Variants in PIGK observed in about 807,000 individuals in gnomAD.
The protein encoded by PIGK is GPI-anchor transamidase.
In PIGK, 42 loss-of-function variants were observed where a neutral mutation model predicts 50.6. That is an observed-to-expected ratio of 0.83 (90% confidence interval 0.65 to 1.07). PIGK has a LOEUF of 1.07. Among genes scored for constraint, PIGK ranks in the 50% least tolerant of loss-of-function variants. PIGK has a pLI of 0.00. For missense variants in PIGK, 448 were observed against 488.7 expected (o/e 0.92, Z 0.78); for synonymous variants, 151 against 156.0 (o/e 0.97, Z 0.24).
At chr1:77,128,342 T>G (rs1198535593) in intron 9 of PIGK, among the ~76,000 whole-genome samples, 1 of 152,194 alleles carries the variant, frequency 6.6e-6, no homozygotes, top group Admixed American at 6.5e-5. Flanking sequence ...TACACTAATT[T>G]ATGGCCCAAC....
chr1:77,125,434 A>C (rs1654209539), intron 9 of PIGK, among the ~76,000 whole-genome samples: 1 of 152,178 alleles, frequency 6.6e-6, no homozygotes, highest in Non-Finnish European at 1.5e-5. Context: ...CTGTGGATAT[A>C]TGAGTATTTT....
intron 3 of PIGK, among the ~76,000 whole-genome samples, chr1:77,184,288 T>C (rs1655690627): frequency 6.6e-6 from 1 of 151,994 alleles, no homozygotes; most frequent in Non-Finnish European, 1.5e-5. Context: ...CGAGGTCAAA[T>C]GGACAAAAGA....
At chr1:77,163,982 G>T in intron 5 of PIGK, 40 bp from the exon 6 acceptor site, 1 of 1,094,638 alleles carries the variant, frequency 9.1e-7, no homozygotes, top group Non-Finnish European at 1.4e-6. Context: ...ATTTTTTAAT[G>T]CAAACTGCAT....
In PIGK at chr1:77,115,847, T is replaced by A. The variant is rs534969546; in HGVS notation, c.1071+6428A>T. Among the ~76,000 whole-genome samples the A allele has an allele frequency of 2.0e-5, 3 of 152,278 alleles. No homozygotes were observed. In the South Asian group the frequency reaches 6.2e-4, roughly 32 times the overall value. On this transcript the variant is annotated intron_variant, in intron 10 of 10. Coordinates refer to ENST00000370812, the MANE Select transcript of PIGK (RefSeq NM_005482.3). ...GTAAGGTGATACTGTACCACCATCA[T>A]GTACAGTGTGCAGAGGGGCATTAAA...
chr1:77,218,453 G>A (rs1379990332), intron 1 of PIGK, among the ~76,000 whole-genome samples: 2 of 152,300 alleles, frequency 1.3e-5, no homozygotes, highest in East Asian at 3.9e-4. Context: ...GTGATAATTA[G>A]AATATGGGAT....
At chr1:77,194,267 T>C (rs1166008134) in intron 3 of PIGK, among the ~76,000 whole-genome samples, 2 of 152,168 alleles carry the variant, frequency 1.3e-5, no homozygotes. Context: ...GGAAAGCAGT[T>C]TGGAGATTTC....
intron 4 of PIGK, among the ~76,000 whole-genome samples, chr1:77,168,578 T>A (rs1192464873): frequency 6.8e-6 from 1 of 147,424 alleles, no homozygotes; most frequent in African/African-American, 2.6e-5. Context: ...ATATGATACA[T>A]GAGACACAGG....
chr1:77,116,575 TGTGTGTGTGTGTGTGTGTGTGCGC>T (rs1296160705), intron 10 of PIGK, among the ~76,000 whole-genome samples: 18 of 120,316 alleles, frequency 1.5e-4, no homozygotes, highest in African/African-American at 5.0e-4. Flanking sequence ...TGTGTGTGTG[TGTGTGTGTGTGTGTGTGTGTGCGC>T]GTGTGTGTGT....
chr1:77,103,433 A>ACACTAT lies in PIGK; in HGVS notation c.1072-10944_1072-10943insATAGTG, dbSNP rs553493871. 3.9e-5 allele frequency among the ~76,000 whole-genome samples: 6 copies of ACACTAT among 152,354 alleles called. No individual in the cohort carries two copies. In the South Asian group the frequency reaches 1.2e-3, roughly 32 times the overall value. ...CCAGTGTCTGTTTAGGGGTAATCAG[A>ACACTAT]GTTATGCTTCCACCTATGACAAATT... On this transcript the variant is annotated intron_variant, in intron 10 of 10. Coordinates refer to ENST00000370812, the MANE Select transcript of PIGK (RefSeq NM_005482.3).
At chr1:77,162,919 G>A (rs1325466756) in intron 6 of PIGK, among the ~76,000 whole-genome samples, 1 of 152,146 alleles carries the variant, frequency 6.6e-6, no homozygotes, top group Non-Finnish European at 1.5e-5. Flanking sequence ...GCTGTGTCAA[G>A]TTTGGCAAGT....
rs547736188 is a variant in PIGK, at chr1:77,117,976, C to A, written c.1071+4299G>T. The stretch of plus-strand genomic sequence containing the variant: ...CTGCCTCAGGCATCACTGAGTATTA[C>A]TACTTTTCATATATTTGCTTGAAGT... On this transcript the variant is annotated intron_variant, in intron 10 of 10. Transcript: ENST00000370812. 2.6e-5 allele frequency among the ~76,000 whole-genome samples: 4 copies of A among 152,246 alleles called. No individual in the cohort carries two copies. The South Asian group carries it at 8.3e-4, about 32-fold the overall frequency.
At chr1:77,205,210 C>T (rs951733994) in intron 3 of PIGK, among the ~76,000 whole-genome samples, 10 of 151,960 alleles carry the variant, frequency 6.6e-5, no homozygotes, top group Admixed American at 2.0e-4. Flanking sequence ...CATAGTGATT[C>T]TCTAGAAGAG....
intron 3 of PIGK, among the ~76,000 whole-genome samples, chr1:77,203,939 T>C (rs963459631): frequency 1.3e-5 from 2 of 152,174 alleles, no homozygotes; most frequent in African/African-American, 4.8e-5. Context: ...CCTGAGATGA[T>C]TGTGCTATCT....
intron 2 of PIGK, among the ~76,000 whole-genome samples, chr1:77,210,168 T>A (rs1034866295): frequency 2.6e-5 from 4 of 152,064 alleles, no homozygotes; most frequent in Non-Finnish European, 5.9e-5. Flanking sequence ...TTTCTACCTC[T>A]TATAAAATGT....
At chr1:77,126,582 G>A (rs894244058) in intron 9 of PIGK, among the ~76,000 whole-genome samples, 11 of 151,932 alleles carry the variant, frequency 7.2e-5, no homozygotes, top group Non-Finnish European at 1.3e-4. Context: ...GACTCCAAGG[G>A]ACACCACAGC....
chr1:77,139,912 G>T (rs1253030326), intron 9 of PIGK, among the ~76,000 whole-genome samples: 5 of 151,970 alleles, frequency 3.3e-5, no homozygotes, highest in Non-Finnish European at 5.9e-5. Context: ...TTAATTTTTT[G>T]TTCCGAGAAA....
chr1:77,150,297 C>T (rs921014571), intron 9 of PIGK, among the ~76,000 whole-genome samples: 5 of 151,838 alleles, frequency 3.3e-5, no homozygotes, highest in Non-Finnish European at 7.4e-5. Context: ...GTGGGAGGAT[C>T]GTTTGAGCCC....
intron 9 of PIGK, among the ~76,000 whole-genome samples, chr1:77,126,295 G>A (rs748930606): frequency 6.6e-6 from 1 of 152,056 alleles, no homozygotes; most frequent in South Asian, 2.1e-4. Context: ...ACTTTGTAAA[G>A]GTGCTGGCTT....
chr1:77,186,219 G>C (rs1300781693), intron 3 of PIGK, among the ~76,000 whole-genome samples: 1 of 152,230 alleles, frequency 6.6e-6, no homozygotes, highest in East Asian at 1.9e-4. Flanking sequence ...AGCTGATGGA[G>C]GAAGAGAAGA....
Sources: allele counts gnomAD v4.1 joint callset (sites outside exome capture counted in the v4.1 genomes callset), GRCh38; gene constraint gnomAD v4.1.1; transcripts MANE v1.5; gene names NCBI Gene and HGNC (gene_info 2026-07-23, HGNC 2026-07-21).